The following SULT1C2 variants were observed in gnomAD, a reference collection of about 807,000 sequenced individuals.
SULT1C2 encodes sulfotransferase 1C2.
SULT1C2 carries 27 observed loss-of-function variants against 36.0 expected under a neutral mutation model. The ratio of observed to expected loss-of-function variants is 0.75; its 90% CI spans 0.55 to 1.03. SULT1C2 has a LOEUF of 1.03. Among genes scored for constraint, SULT1C2 ranks in the 50% least tolerant of loss-of-function variants. The pLI is 0.00. For synonymous variants in SULT1C2, 121 were observed against 116.0 expected, an observed-to-expected ratio of 1.04 and a Z score of -0.27; for missense variants, 395 against 359.2, an observed-to-expected ratio of 1.10 and a Z score of -0.80.
intron 3 of SULT1C2, chr2:108,299,449 G>A (rs1676818381): frequency 6.6e-6 from 1 of 152,418 alleles, no homozygotes; most frequent in Non-Finnish European, 1.5e-5. Flanking sequence ...CCCTTGAAGA[G>A]TGAGTGGGAC....
intron 3 of SULT1C2, among the ~76,000 whole-genome samples, chr2:108,297,619 G>T (rs1315878115): frequency 6.6e-6 from 1 of 152,080 alleles, no homozygotes; most frequent in East Asian, 1.9e-4. Context: ...TCCACCCTGA[G>T]TCTGAGCAAC....
chr2:108,297,785 C>T (rs1286058380), intron 3 of SULT1C2, among the ~76,000 whole-genome samples: 1 of 152,058 alleles, frequency 6.6e-6, no homozygotes, highest in Non-Finnish European at 1.5e-5. Flanking sequence ...CAAGCCCCGA[C>T]TCCACAGTAT....
At chr2:108,301,782 G>A (rs958860508) in intron 4 of SULT1C2, 3 of 152,278 alleles carry the variant, frequency 2.0e-5, no homozygotes, top group Non-Finnish European at 4.4e-5. Context: ...ATACGGAAGT[G>A]GCTGTAGAGC....
In SULT1C2 at chr2:108,305,230, C is replaced by T; in HGVS notation, c.561C>T (p.His187=). The T allele has an allele frequency of 6.2e-7, 1 of 1,614,146 alleles. No individual in the cohort carries two copies. Among genetic ancestry groups the T allele is most frequent in the Non-Finnish European group, 8.5e-7 (1 of 1,180,034 alleles). ...VKGWWEMKDR[H]QILFLFYEDI... ...GATGGTGGGAGATGAAAGACAGACA[C>T]CAGATTCTCTTCCTCTTCTATGAGG... The change falls in exon 6 of 8, where the codon CAC becomes CAT. Residue 187 remains histidine, a synonymous_variant. Transcript: ENST00000251481.
chr2:108,294,129 G>A, intron 2 of SULT1C2, 100 bp from the exon 3 acceptor site: 1 of 1,540,788 alleles, frequency 6.5e-7, no homozygotes, highest in Non-Finnish European at 8.7e-7. Flanking sequence ...GGAGGGTGAT[G>A]CAAACACCAA....
At chr2:108,305,298 A>G (rs766657945) in intron 6 of SULT1C2, 32 bp downstream of exon 6, 1 of 1,613,158 alleles carries the variant, frequency 6.2e-7, no homozygotes, top group Non-Finnish European at 8.5e-7. Flanking sequence ...GAACCATTTT[A>G]AAGTGGTTCT....
Position 108,305,438 on chromosome 2 carries a change from G to A in SULT1C2, c.621G>A (p.Lys207=). ...AGGACCCAAAGCATGAAATTCGGAA[G>A]GTGATGCAGTTCATGGGAAAGAAGG... ...IKRDPKHEIR[K]VMQFMGKKVD... is the part of the protein sequence containing the mutation. The change falls in exon 7 of 8, where the codon AAG becomes AAA. Residue 207 remains lysine, a synonymous_variant. Transcript: ENST00000251481. 1 of 1,614,086 alleles carries A rather than the reference G, an allele frequency of 6.2e-7. No individual in the cohort carries two copies.
chr2:108,294,120 G>T (rs540969641), intron 2 of SULT1C2, 109 bp from the exon 3 acceptor site: 11 of 1,526,822 alleles, frequency 7.2e-6, no homozygotes, highest in Non-Finnish European at 8.8e-6. Context: ...GACCCAAGGG[G>T]AGGGTGATGC....
At position 108,294,256 on chromosome 2, in the gene SULT1C2, A is replaced by G. The variant is rs72549391; in HGVS notation, c.179A>G (p.Asp60Gly). Residue 60 changes from aspartate to glycine, a missense_variant, in exon 3 of 8, where the codon GAT (aspartate) becomes GGT (glycine). Asp to Gly is a moderately conservative substitution (Grantham distance 94). Transcript: ENST00000251481. ...ACAACGTGGATTCAGGAAATTGTGGATATGATTGAACAGAATGGGGACGTG... is the reference window on the plus strand; with the variant it reads ...ACAACGTGGATTCAGGAAATTGTGGGTATGATTGAACAGAATGGGGACGTG... ...AGTTWIQEIV[D>G]MIEQNGDVEK... is the part of the protein sequence containing the mutation. 4 of 1,613,790 alleles carry G rather than the reference A, an allele frequency of 2.5e-6. No homozygotes were observed. Among genetic ancestry groups the G allele is most frequent in the African/African-American group, 2.7e-5 (2 of 74,904 alleles).
intron 3 of SULT1C2, among the ~76,000 whole-genome samples, chr2:108,297,710 TG>T (rs1558678603): frequency 6.6e-6 from 1 of 151,696 alleles, no homozygotes; most frequent in East Asian, 1.9e-4. Flanking sequence ...GGCGAGGGTG[TG>T]GGGGGGCAGA....
chr2:108,293,146 T>G (rs1036026757), intron 1 of SULT1C2, among the ~76,000 whole-genome samples: 2 of 116,472 alleles, frequency 1.7e-5, no homozygotes, highest in African/African-American at 3.4e-5. Flanking sequence ...GCCATTGCAC[T>G]CCAGCCTGGA....
chr2:108,294,388 T>A, intron 3 of SULT1C2, 34 bp downstream of exon 3: 1 of 1,597,214 alleles, frequency 6.3e-7, no homozygotes. Flanking sequence ...TCTTCCTGCT[T>A]TCTTTCCCTC....
chr2:108,301,006 C>T, intron 4 of SULT1C2, 71 bp downstream of exon 4: 3 of 1,581,344 alleles, frequency 1.9e-6, no homozygotes, highest in East Asian at 2.2e-5. Context: ...CAGACCCCAA[C>T]GCAGAGCATT....
Position 108,294,303 on chromosome 2 carries a change from A to G in SULT1C2, c.226A>G (p.Ile76Val). ...CGTGGAGAAGTGCCAGCGAGCCATC[A>G]TCCAACACCGCCATCCTTTCATTGA... ...GDVEKCQRAI[I>V]QHRHPFIEWA... The change falls in exon 3 of 8, where the codon ATC (isoleucine) becomes GTC (valine). Residue 76 changes from isoleucine (I) to valine (V), a missense_variant. Physicochemically the swap from Ile to Val is conservative, Grantham distance 29. Coordinates refer to ENST00000251481, the MANE Select transcript of SULT1C2 (RefSeq NM_001056.4). 1 of 1,614,132 alleles carries G rather than the reference A, an allele frequency of 6.2e-7. No homozygotes were observed.
At chr2:108,307,821 T>A (rs1677061860) in intron 7 of SULT1C2, among the ~76,000 whole-genome samples, 1 of 152,196 alleles carries the variant, frequency 6.6e-6, no homozygotes, top group South Asian at 2.1e-4. Context: ...AATCAAGATA[T>A]GAAACATTTT....
chr2:108,308,626 T>C lies in SULT1C2; in HGVS notation c.*162T>C. On this transcript the variant is annotated 3_prime_UTR_variant, in exon 8 of 8. Coordinates refer to ENST00000251481, the MANE Select transcript of SULT1C2 (RefSeq NM_001056.4). ...TAACAGTATGTCACCACTTCATTTTTTAAAAAGGATCACGTCTAATGCCCA... is the reference window on the plus strand; with the variant it reads ...TAACAGTATGTCACCACTTCATTTTCTAAAAAGGATCACGTCTAATGCCCA... The C allele has an allele frequency of 5.3e-6, 3 of 569,220 alleles. No homozygotes were observed. Among genetic ancestry groups the C allele is most frequent in the Non-Finnish European group, 8.8e-6 (3 of 340,720 alleles). 35.3% of individuals were successfully genotyped at this position (569,220 alleles called of 1,614,324 possible).
chr2:108,299,152 C>T (rs9646948), intron 3 of SULT1C2: 49,490 of 152,110 alleles, frequency 0.33, 8,857 homozygotes, highest in Non-Finnish European at 0.4. Flanking sequence ...TCCAGGGCTA[C>T]CAGCCTCTTC....
intron 1 of SULT1C2, among the ~76,000 whole-genome samples, chr2:108,290,425 A>G (rs1165917686): frequency 6.6e-6 from 1 of 152,252 alleles, no homozygotes; most frequent in East Asian, 1.9e-4. Flanking sequence ...TAGGACTTCA[A>G]CATATGAACT....
chr2:108,299,733 T>C (rs1183841463), intron 3 of SULT1C2: 4 of 152,214 alleles, frequency 2.6e-5, no homozygotes, highest in African/African-American at 9.7e-5. Context: ...TCTGGGTATA[T>C]ATCCCAAAGA....
Sources: allele counts gnomAD v4.1 joint callset (sites outside exome capture counted in the v4.1 genomes callset), GRCh38; gene constraint gnomAD v4.1.1; transcripts MANE v1.5; gene names NCBI Gene and HGNC (gene_info 2026-07-23, HGNC 2026-07-21).